The following EXOC2 variants were observed in gnomAD, a reference collection of about 807,000 sequenced individuals.
EXOC2 encodes exocyst complex component 2.
EXOC2 carries 70 observed loss-of-function variants against 131.8 expected under a neutral mutation model. The ratio of observed to expected loss-of-function variants is 0.53; its 90% CI spans 0.44 to 0.65. EXOC2 has a LOEUF of 0.65. Among genes scored for constraint, EXOC2 ranks in the 30% least tolerant of loss-of-function variants. The probability of loss-of-function intolerance (pLI) is 0.00; values close to 1 mark genes in which losing one functional copy is unlikely to be tolerated. For synonymous variants in EXOC2, 411 were observed against 398.4 expected (o/e 1.03, Z -0.38); for missense variants, 923 against 1,108.6 (o/e 0.83, Z 2.38).
rs796295514 is a variant in EXOC2, at chr6:625,518, CT to C, written c.422+4316del. ...TACGTATTATAAGTTTGTTTCCGTT[CT>C]TTTTTTTTTTTTTTTTTTTTTGTCT... On this transcript the variant is annotated intron_variant, in intron 4 of 27. Transcript: ENST00000230449. 8.2e-3 allele frequency among the ~76,000 whole-genome samples: 889 copies of C among 108,012 alleles called. 1 individual carries two copies. Among genetic ancestry groups the C allele is most frequent in the African/African-American group, 0.021 (638 of 30,694 alleles). 70.9% of individuals were successfully genotyped at this position (108,012 alleles called of 152,430 possible).
intron 22 of EXOC2, among the ~76,000 whole-genome samples, chr6:537,260 G>C (rs1442732480): frequency 6.6e-6 from 1 of 150,854 alleles, no homozygotes; most frequent in Non-Finnish European, 1.5e-5. Flanking sequence ...GCACACACGA[G>C]ATGACGGCCG....
intron 11 of EXOC2, among the ~76,000 whole-genome samples, chr6:589,315 C>T (rs889277384): frequency 7.9e-5 from 12 of 151,474 alleles, no homozygotes; most frequent in African/African-American, 2.9e-4. Flanking sequence ...ATCCAGAGAA[C>T]TGACTGTCGA....
chr6:600,165 C>A (rs1245697631), intron 7 of EXOC2, among the ~76,000 whole-genome samples: 1 of 152,122 alleles, frequency 6.6e-6, no homozygotes. Context: ...GTGGCCTGAT[C>A]CTGTTAAAAG....
Position 564,093 on chromosome 6 carries a change from C to T in EXOC2, c.1729G>A (p.Asp577Asn). The T allele has an allele frequency of 6.2e-7, 1 of 1,614,120 alleles. No homozygotes were observed. Among genetic ancestry groups the T allele is most frequent in the Non-Finnish European group, 8.5e-7 (1 of 1,180,028 alleles). ...CGTACTCGGAGATCCAAGATGAGAT[C>T]CTGGATAGTCTGTAACAGGTCATTA... ...IPNDLLQTIQDLILDLRVRCV... is the reference protein window; with the variant it reads ...IPNDLLQTIQNLILDLRVRCV... The change falls in exon 16 of 28, where the codon GAT becomes AAT. Residue 577 changes from aspartate (D) to asparagine (N), a missense_variant. By Grantham distance (23) the Asp-to-Asn change is conservative. Transcript: ENST00000230449.
intron 4 of EXOC2, among the ~76,000 whole-genome samples, chr6:627,702 T>C (rs142180301): frequency 2.0e-4 from 31 of 152,346 alleles, no homozygotes; most frequent in African/African-American, 7.5e-4. Context: ...TTGGGCTGGA[T>C]TTAACATCTT....
At chr6:492,462 A>G (rs1763493382) in intron 25 of EXOC2, among the ~76,000 whole-genome samples, 1 of 152,234 alleles carries the variant, frequency 6.6e-6, no homozygotes, top group South Asian at 2.1e-4. Flanking sequence ...AGGAGTGTTC[A>G]CAGAAGCATT....
In EXOC2 at chr6:564,638, C is replaced by G; in HGVS notation, c.1574G>C (p.Ser525Thr). ...KLTRGALLPL[S>T]IRDGEAKQYG... ...CTGCTTGGCTTCCCCATCCCGGATG[C>G]TGAGGGGAAGCAGGGCTCCGCGGGT... Residue 525 changes from serine (S) to threonine (T), a missense_variant, in exon 15 of 28, where the codon AGC becomes ACC. Physicochemically the swap from Ser to Thr is moderately conservative, Grantham distance 58 (BLOSUM62 1). Transcript: ENST00000230449. The G allele has an allele frequency of 6.2e-7, 1 of 1,612,496 alleles. No homozygotes were observed. The highest frequency in any genetic ancestry group is 8.5e-7 in the Non-Finnish European group (1 of 1,179,302).
At chr6:642,801 CA>C (rs1476609619) in intron 1 of EXOC2, among the ~76,000 whole-genome samples, 1 of 151,608 alleles carries the variant, frequency 6.6e-6, no homozygotes, top group Non-Finnish European at 1.5e-5. Flanking sequence ...TTTGAAGAAA[CA>C]GTCAGTGAAC....
rs534193514 is a variant in EXOC2 at position 656,564 on chromosome 6, G to A, written c.-43-18703C>T. On this transcript the variant is annotated intron_variant, in intron 1 of 27. Transcript: ENST00000230449. ...CCCGCACGGGCAGATCGTGCACCACGCTGCGAGCGCGGCCCAGGGACGAGA... is the reference window on the plus strand; with the variant it reads ...CCCGCACGGGCAGATCGTGCACCACACTGCGAGCGCGGCCCAGGGACGAGA... 1.3e-5 allele frequency: 21 copies of A among 1,592,106 alleles called. No homozygotes were observed. The South Asian group carries it at 1.9e-4, about 15-fold the overall frequency.
At chr6:504,863 C>G (rs1276128257) in intron 23 of EXOC2, among the ~76,000 whole-genome samples, 1 of 152,142 alleles carries the variant, frequency 6.6e-6, no homozygotes, top group African/African-American at 2.4e-5. Context: ...CCTAAGAGAG[C>G]TTACAGGTCA....
intron 16 of EXOC2, among the ~76,000 whole-genome samples, chr6:563,470 T>C (rs1250479569): frequency 2.0e-5 from 3 of 152,258 alleles, no homozygotes; most frequent in African/African-American, 7.2e-5. Flanking sequence ...TAGTAGATAG[T>C]AAAGGCCTGT....
chr6:572,462 T>C, intron 13 of EXOC2, 58 bp downstream of exon 13: 1 of 1,544,588 alleles, frequency 6.5e-7, no homozygotes. Flanking sequence ...TCTAACATTT[T>C]AAAGACCAGA....
At chr6:559,076 A>C (rs1757571600) in intron 17 of EXOC2, among the ~76,000 whole-genome samples, 1 of 152,188 alleles carries the variant, frequency 6.6e-6, no homozygotes, top group Admixed American at 6.5e-5. Context: ...TGAGTCATCC[A>C]ATTTAGATGA....
chr6:501,109 TTATATATATCTATA>T lies in EXOC2; in HGVS notation c.2381-1423_2381-1410del, dbSNP rs1764030660. Among the ~76,000 whole-genome samples, 7 of 87,624 alleles carry T rather than the reference TTATATATATCTATA, an allele frequency of 8.0e-5. No individual in the cohort carries two copies. In the South Asian group the frequency reaches 2.0e-3, roughly 25 times the overall value. The allele number at this position is 87,624 out of a possible 152,430, so 57.5% of individuals were successfully genotyped here. On this transcript the variant is annotated intron_variant, in intron 23 of 27. Coordinates refer to ENST00000230449, the MANE Select transcript of EXOC2 (RefSeq NM_018303.6). The stretch of plus-strand genomic sequence containing the variant: ...ATTGGCTCCTCAAAAGATATATATA[TTATATATATCTATA>T]TATATTATATATATCTATATATATT...
chr6:625,518 C>CTTTTTTTTTTTTTTTTTT (rs796295514), intron 4 of EXOC2, among the ~76,000 whole-genome samples: 6 of 108,056 alleles, frequency 5.6e-5, no homozygotes, highest in East Asian at 2.7e-4. Context: ...TGTTTCCGTT[C>CTTTTTTTTTTTTTTTTTT]TTTTTTTTTT....
At chr6:556,633 G>C in intron 17 of EXOC2, 69 bp from the exon 18 acceptor site, 1 of 1,520,298 alleles carries the variant, frequency 6.6e-7, no homozygotes, top group Non-Finnish European at 9.1e-7. Flanking sequence ...TTTAACACAA[G>C]CGAATATGGC....
chr6:569,123 AT>A (rs1758133579), intron 13 of EXOC2, among the ~76,000 whole-genome samples: 1 of 152,220 alleles, frequency 6.6e-6, no homozygotes, highest in Admixed American at 6.5e-5. Flanking sequence ...TAATTTATAT[AT>A]TATTGAGTTA....
chr6:539,558 A>G (rs1218977406), intron 22 of EXOC2, among the ~76,000 whole-genome samples: 1 of 152,218 alleles, frequency 6.6e-6, no homozygotes, highest in Non-Finnish European at 1.5e-5. Flanking sequence ...CGATTGTCAA[A>G]TTTCTCTAAC....
At position 647,789 on chromosome 6, in the gene EXOC2, A is replaced by G. The variant is rs148321110; in HGVS notation, c.-43-9928T>C. 2.6e-5 allele frequency among the ~76,000 whole-genome samples: 4 copies of G among 151,422 alleles called. No homozygotes were observed. In the East Asian group the frequency reaches 7.9e-4, roughly 30 times the overall value. The stretch of plus-strand genomic sequence containing the variant: ...TCAAATCCATTTTGAGGTCATTTAC[A>G]CAGGGCTCTTAATCTTAACTATGTT... On this transcript the variant is annotated intron_variant, in intron 1 of 27. Transcript: ENST00000230449.
Sources: gnomAD v4.1 joint callset for allele counts (sites outside exome capture counted in the v4.1 genomes callset) on GRCh38, gnomAD v4.1.1 for gene constraint, MANE v1.5 for transcripts, NCBI Gene and HGNC (gene_info 2026-07-23, HGNC 2026-07-21) for gene names.